ERBB4: variants seen among roughly 807,000 people sequenced by gnomAD.
ERBB4 encodes erb-b2 receptor tyrosine kinase 4.
A neutral mutation model predicts 158.0 loss-of-function variants in ERBB4; 42 were observed. The ratio of observed to expected loss-of-function variants is 0.27; its 90% confidence interval spans 0.21 to 0.34. The LOEUF is 0.34. Among genes scored for constraint, ERBB4 ranks in the 10% least tolerant of loss-of-function variants. ERBB4 has a pLI of 1.00. For synonymous variants in ERBB4, 583 were observed against 558.7 expected (o/e 1.04, Z -0.61); for missense variants, 1,333 against 1,624.1 (o/e 0.82, Z 3.08).
chr2:211,704,106 A>G lies in ERBB4; in HGVS notation c.1287T>C (p.Tyr429=), dbSNP rs529211855. The G allele has an allele frequency of 4.4e-6, 7 of 1,577,558 alleles. No homozygotes were observed. The African/African-American group carries it at 8.1e-5, about 18-fold the overall frequency. The change falls in exon 11 of 28, where the codon TAT becomes TAC. Residue 429 remains tyrosine (Y), a splice_region_variant and synonymous_variant. Coordinates refer to ENST00000342788, the MANE Select transcript of ERBB4 (RefSeq NM_005235.3). ...CAGCTTTAAACATATCCACTTACCT[A>G]TAGAGTACTCTTCCACCAATGGTCA... ...NLVTIGGRVL[Y]SGLSLLILKQ...
At chr2:212,469,057 G>C (rs1298095041) in intron 1 of ERBB4, among the ~76,000 whole-genome samples, 2 of 152,030 alleles carry the variant, frequency 1.3e-5, no homozygotes, top group Non-Finnish European at 2.9e-5. Context: ...TATTTCAAAA[G>C]GTGAATCAAA....
intron 20 of ERBB4, among the ~76,000 whole-genome samples, chr2:211,464,432 T>C (rs184868655): frequency 6.6e-6 from 1 of 152,288 alleles, no homozygotes; most frequent in East Asian, 1.9e-4. Context: ...TTCTTCAATT[T>C]CATCAATTTC....
At chr2:211,965,257 T>C (rs745928551) in intron 2 of ERBB4, among the ~76,000 whole-genome samples, 26 of 152,218 alleles carry the variant, frequency 1.7e-4, no homozygotes, top group Non-Finnish European at 3.5e-4. Flanking sequence ...AGTATGTTAC[T>C]GAAAAATATC....
chr2:211,452,908 A>T (rs994885756), intron 20 of ERBB4, among the ~76,000 whole-genome samples: 3 of 152,212 alleles, frequency 2.0e-5, no homozygotes, highest in Non-Finnish European at 4.4e-5. Flanking sequence ...GTGTGATTCC[A>T]TCTCAACAAA....
At chr2:212,404,873 G>C (rs925427052) in intron 1 of ERBB4, among the ~76,000 whole-genome samples, 1 of 151,896 alleles carries the variant, frequency 6.6e-6, no homozygotes, top group African/African-American at 2.4e-5. Context: ...TCATCATTTA[G>C]CTCCCACTTA....
chr2:211,600,627 C>A (rs2068770702), intron 19 of ERBB4, among the ~76,000 whole-genome samples: 2 of 152,054 alleles, frequency 1.3e-5, no homozygotes, highest in African/African-American at 4.8e-5. Context: ...CCAGGTGTAC[C>A]AGGTGACTAA....
chr2:211,600,371 G>C (rs1279508007), intron 19 of ERBB4, among the ~76,000 whole-genome samples: 1 of 151,980 alleles, frequency 6.6e-6, no homozygotes, highest in Non-Finnish European at 1.5e-5. Context: ...AATGACAACA[G>C]ATCTCAGAAA....
At chr2:211,537,496 G>A (rs143114931) in intron 20 of ERBB4, among the ~76,000 whole-genome samples, 11 of 152,036 alleles carry the variant, frequency 7.2e-5, no homozygotes, top group Non-Finnish European at 1.3e-4. Context: ...TAAGTCATTC[G>A]TTCTCTTAAC....
intron 7 of ERBB4, among the ~76,000 whole-genome samples, chr2:211,715,635 T>C (rs898328088): frequency 1.3e-5 from 2 of 151,946 alleles, no homozygotes; most frequent in African/African-American, 4.8e-5. Flanking sequence ...GTTGCAAGAG[T>C]GAGTTAGCAT....
At chr2:211,911,979 T>C (rs956652808) in intron 3 of ERBB4, among the ~76,000 whole-genome samples, 19 of 152,098 alleles carry the variant, frequency 1.2e-4, no homozygotes, top group African/African-American at 4.3e-4. Flanking sequence ...AGAGTGCATC[T>C]AGGGAAACAC....
chr2:212,178,242 T>C (rs2081739739), intron 1 of ERBB4, among the ~76,000 whole-genome samples: 1 of 151,744 alleles, frequency 6.6e-6, no homozygotes, highest in Non-Finnish European at 1.5e-5. Flanking sequence ...CATATATCAA[T>C]TTGTCAATAG....
At chr2:212,256,001 A>T (rs2371563) in intron 1 of ERBB4, among the ~76,000 whole-genome samples, 65,288 of 146,640 alleles carry the variant, frequency 0.45, 14,935 homozygotes, top group African/African-American at 0.52. Context: ...TTATTTATTT[A>T]TTTTTTTTTT....
In ERBB4 at chr2:212,432,959, C is replaced by A. The variant is rs185804722; in HGVS notation, c.82+105490G>T. Reference sequence around the variant, plus strand: ...TTACATGGTATTTTCTACCACATAACCAAAGCTCTGGAATATATGAAGGGG... The same window carrying A: ...TTACATGGTATTTTCTACCACATAAACAAAGCTCTGGAATATATGAAGGGG... On this transcript the variant is annotated intron_variant, in intron 1 of 27. Transcript: ENST00000342788. Among the ~76,000 whole-genome samples the A allele has an allele frequency of 3.6e-3, 550 of 152,108 alleles. 4 individuals are homozygous for A. Among genetic ancestry groups the A allele is most frequent in the Non-Finnish European group, 4.9e-3 (331 of 67,936 alleles).
chr2:211,957,413 G>C (rs2081063810), intron 2 of ERBB4, among the ~76,000 whole-genome samples: 1 of 152,068 alleles, frequency 6.6e-6, no homozygotes, highest in Non-Finnish European at 1.5e-5. Flanking sequence ...CATACTTCCA[G>C]CTCCAGAATT....
chr2:211,756,629 T>TAGTTTTG (rs2075293002), intron 4 of ERBB4, among the ~76,000 whole-genome samples: 1 of 152,214 alleles, frequency 6.6e-6, no homozygotes, highest in South Asian at 2.1e-4. Context: ...TCCCAAAAGT[T>TAGTTTTG]AGTTTTGACA....
chr2:211,759,295 T>C (rs1475957072), intron 4 of ERBB4, among the ~76,000 whole-genome samples: 1 of 152,192 alleles, frequency 6.6e-6, no homozygotes, highest in Non-Finnish European at 1.5e-5. Context: ...TAACCTCTTA[T>C]CCGGTGTCCT....
intron 1 of ERBB4, among the ~76,000 whole-genome samples, chr2:212,332,322 G>C (rs2088216837): frequency 6.6e-6 from 1 of 152,008 alleles, no homozygotes; most frequent in Admixed American, 6.6e-5. Context: ...TGGTTGTGAG[G>C]CCTCCCTAGC....
At chr2:212,039,600 A>G (rs2077091854) in intron 2 of ERBB4, among the ~76,000 whole-genome samples, 1 of 152,210 alleles carries the variant, frequency 6.6e-6, no homozygotes, top group Non-Finnish European at 1.5e-5. Context: ...TATGCTGAGT[A>G]GCAATAATCA....
At chr2:212,085,508 A>G (rs2078576821) in intron 2 of ERBB4, among the ~76,000 whole-genome samples, 1 of 151,902 alleles carries the variant, frequency 6.6e-6, no homozygotes, top group African/African-American at 2.4e-5. Context: ...TGGTATTAGT[A>G]TCTGGAGCCT....
Sources: allele counts gnomAD v4.1 joint callset (sites outside exome capture counted in the v4.1 genomes callset), GRCh38; gene constraint gnomAD v4.1.1; transcripts MANE v1.5; gene names NCBI Gene and HGNC (gene_info 2026-07-23, HGNC 2026-07-21).